DLG1: variants seen among roughly 807,000 people sequenced by gnomAD.
The protein encoded by DLG1 is disks large homolog 1.
A neutral mutation model predicts 123.4 loss-of-function variants in DLG1; 42 were observed. The observed-to-expected ratio is 0.34, with a 90% confidence interval of 0.27 to 0.44. The LOEUF is 0.44. DLG1 is among the 20% of genes least tolerant of loss of function. The pLI, the probability that DLG1 is intolerant of heterozygous loss-of-function variation, is 1.00. For missense variants in DLG1, 942 were observed against 1,082.6 expected, an observed-to-expected ratio of 0.87 and a Z score of 1.82; for synonymous variants, 317 against 356.2, an observed-to-expected ratio of 0.89 and a Z score of 1.24.
chr3:197,245,898 TTTG>T (rs1455163143), intron 4 of DLG1, among the ~76,000 whole-genome samples: 23 of 113,724 alleles, frequency 2.0e-4, no homozygotes, highest in African/African-American at 7.0e-4. Context: ...CTTTTTTTTT[TTTG>T]GGGGGGGGGG....
At chr3:197,169,386 T>C (rs1802965902) in intron 5 of DLG1, among the ~76,000 whole-genome samples, 2 of 152,238 alleles carry the variant, frequency 1.3e-5, no homozygotes, top group South Asian at 4.1e-4. Context: ...TGGCTTAAAC[T>C]GAATGGTGGT....
chr3:197,262,667 T>A (rs1050928911), intron 4 of DLG1, among the ~76,000 whole-genome samples: 1 of 152,138 alleles, frequency 6.6e-6, no homozygotes, highest in Non-Finnish European at 1.5e-5. Flanking sequence ...TATCTCCAAG[T>A]AGACACTGCC....
intron 4 of DLG1, among the ~76,000 whole-genome samples, chr3:197,233,748 G>A (rs910410443): frequency 6.6e-6 from 1 of 152,206 alleles, no homozygotes; most frequent in Non-Finnish European, 1.5e-5. Flanking sequence ...TTGAACTCCT[G>A]ACCTCAAGTG....
intron 4 of DLG1, among the ~76,000 whole-genome samples, chr3:197,203,861 A>G (rs145727738): frequency 2.0e-5 from 3 of 152,362 alleles, no homozygotes; most frequent in African/African-American, 4.8e-5. Context: ...CAAACTGACA[A>G]CACTATAATT....
intron 11 of DLG1, among the ~76,000 whole-genome samples, chr3:197,128,767 T>C (rs1781044198): frequency 6.6e-6 from 1 of 152,214 alleles, no homozygotes; most frequent in Non-Finnish European, 1.5e-5. Context: ...TCAGTCTCCC[T>C]GCACACTGCC....
At chr3:197,273,977 A>T (rs1765188205) in intron 4 of DLG1, among the ~76,000 whole-genome samples, 1 of 152,190 alleles carries the variant, frequency 6.6e-6, no homozygotes, top group African/African-American at 2.4e-5. Context: ...ATGGAAAGAT[A>T]TCCCATGTTC....
chr3:197,256,411 T>A (rs749419528), intron 4 of DLG1, among the ~76,000 whole-genome samples: 10 of 152,258 alleles, frequency 6.6e-5, no homozygotes, highest in Non-Finnish European at 1.0e-4. Context: ...TTTTCCGTGT[T>A]TATTTTCTAC....
intron 4 of DLG1, among the ~76,000 whole-genome samples, chr3:197,196,171 C>CAAAAAAAAAAAAA (rs71162001): frequency 2.3e-5 from 2 of 88,714 alleles, no homozygotes; most frequent in Non-Finnish European, 4.2e-5. Context: ...AAATGCACAC[C>CAAAAAAAAAAAAA]AAAAAAAAAA....
At chr3:197,278,758 C>T (rs1767795478) in intron 4 of DLG1, among the ~76,000 whole-genome samples, 1 of 150,920 alleles carries the variant, frequency 6.6e-6, no homozygotes, top group Non-Finnish European at 1.5e-5. Context: ...AAAGACAAAA[C>T]TGGATAGCTG....
chr3:197,158,829 G>C (rs68006014), intron 5 of DLG1, among the ~76,000 whole-genome samples: 42,719 of 151,892 alleles, frequency 0.28, 6,412 homozygotes, highest in Middle Eastern at 0.38. Context: ...TATCAAAAAA[G>C]ACCATGCACA....
At position 197,080,267 on chromosome 3, in the gene DLG1, C is replaced by CTTTTTTTTTT. The variant is rs767056279; in HGVS notation, c.1905+774_1905+783dup. Among the ~76,000 whole-genome samples the CTTTTTTTTTT allele has an allele frequency of 1.3e-4, 7 of 51,870 alleles. 1 individual carries two copies. The highest frequency in any genetic ancestry group is 5.9e-4 in the African/African-American group (7 of 11,960). The allele number at this position is 51,870 out of a possible 152,430, so 34.0% of individuals were successfully genotyped here. A position where few individuals can be genotyped will look rare whatever the true frequency, so the allele number is the denominator to read the frequency against. On this transcript the variant is annotated intron_variant, in intron 17 of 24. Transcript: ENST00000667157. ...TATGATGAAAGAATTGATATATTTC[C>CTTTTTTTTTT]TTTTTTTTTTTTTTTTTTTTTTTTT... is the stretch of plus-strand genomic sequence containing the variant.
intron 4 of DLG1, among the ~76,000 whole-genome samples, chr3:197,272,515 A>G (rs1253356119): frequency 3.3e-5 from 5 of 152,154 alleles, no homozygotes; most frequent in African/African-American, 1.2e-4. Context: ...TAGTGTGGTG[A>G]TTTTTAGGAA....
chr3:197,285,579 T>C (rs1771462010), intron 3 of DLG1, among the ~76,000 whole-genome samples: 1 of 151,164 alleles, frequency 6.6e-6, no homozygotes, highest in South Asian at 2.1e-4. Flanking sequence ...AAGAAGACAA[T>C]CCAATAAAAA....
At chr3:197,103,306 CTG>C (rs1215788856) in intron 14 of DLG1, among the ~76,000 whole-genome samples, 1 of 151,958 alleles carries the variant, frequency 6.6e-6, no homozygotes, top group Non-Finnish European at 1.5e-5. Flanking sequence ...TTTGTGTGTT[CTG>C]TGTGTTTTGA....
intron 5 of DLG1, among the ~76,000 whole-genome samples, chr3:197,191,320 C>A (rs923628687): frequency 6.6e-6 from 1 of 152,134 alleles, no homozygotes; most frequent in Admixed American, 6.5e-5. Context: ...TAAACAAAAT[C>A]TTGTGTCTGG....
chr3:197,278,399 G>A (rs1767581903), intron 4 of DLG1, among the ~76,000 whole-genome samples: 1 of 148,508 alleles, frequency 6.7e-6, no homozygotes, highest in South Asian at 2.1e-4. Context: ...GAGCCCCCAA[G>A]TTTTGAGGAT....
intron 6 of DLG1, among the ~76,000 whole-genome samples, chr3:197,143,651 A>C (rs1328684022): frequency 1.3e-5 from 2 of 152,188 alleles, no homozygotes; most frequent in African/African-American, 4.8e-5. Context: ...GTTGGTAATC[A>C]TGTCTTCGAA....
intron 23 of DLG1, among the ~76,000 whole-genome samples, 165 bp downstream of exon 23, chr3:197,059,724 T>C (rs1304254119): frequency 6.6e-6 from 1 of 152,246 alleles, no homozygotes; most frequent in African/African-American, 2.4e-5. Flanking sequence ...TGACAATTTA[T>C]AACCCATAGT....
chr3:197,224,214 A>G (rs2150534931), intron 4 of DLG1, among the ~76,000 whole-genome samples: 1 of 152,296 alleles, frequency 6.6e-6, no homozygotes, highest in South Asian at 2.1e-4. Context: ...TGAATTTAAC[A>G]GCATCCAAAG....
Sources: gnomAD v4.1 joint callset for allele counts (sites outside exome capture counted in the v4.1 genomes callset) on GRCh38, gnomAD v4.1.1 for gene constraint, MANE v1.5 for transcripts, NCBI Gene and HGNC (gene_info 2026-07-23, HGNC 2026-07-21) for gene names.